Variants in DIP2C observed in about 807,000 individuals in gnomAD.
The protein encoded by DIP2C is DIP2 acetate--CoA ligase C (putative), also known as disco-interacting protein 2 homolog C.
Under a neutral mutation model 192.4 loss-of-function variants are expected in DIP2C, and 33 were observed. The ratio of observed to expected loss-of-function variants is 0.17; its 90% CI spans 0.13 to 0.23. The LOEUF (loss-of-function observed/expected upper bound fraction) is 0.23. Among genes scored for constraint, DIP2C ranks in the 10% least tolerant of loss-of-function variants. The pLI, the probability that DIP2C is intolerant of heterozygous loss-of-function variation, is 1.00. For synonymous variants in DIP2C, 979 were observed against 864.1 expected, an observed-to-expected ratio of 1.13 and a Z score of -2.33; for missense variants, 1,537 against 2,110.1, an observed-to-expected ratio of 0.73 and a Z score of 5.32.
intron 5 of DIP2C, among the ~76,000 whole-genome samples, chr10:421,645 C>T (rs1165605785): frequency 1.3e-5 from 2 of 152,232 alleles, no homozygotes; most frequent in African/African-American, 4.8e-5. Context: ...AAGTTTAATA[C>T]TGCTTTGCAT....
At chr10:328,883 G>C (rs1957382430) in intron 30 of DIP2C, among the ~76,000 whole-genome samples, 1 of 152,134 alleles carries the variant, frequency 6.6e-6, no homozygotes, top group Non-Finnish European at 1.5e-5. Context: ...TTACCATGAA[G>C]ATATACGTAT....
chr10:509,991 G>A (rs1037257016), intron 1 of DIP2C, among the ~76,000 whole-genome samples: 4 of 152,238 alleles, frequency 2.6e-5, no homozygotes, highest in African/African-American at 9.6e-5. Context: ...CTTCAGCCCA[G>A]GGCTCAGGAA....
chr10:571,314 T>A (rs960096539), intron 1 of DIP2C, among the ~76,000 whole-genome samples: 10 of 151,234 alleles, frequency 6.6e-5, no homozygotes, highest in African/African-American at 2.4e-4. Context: ...GCCAATCAGC[T>A]CCCCCCGGCC....
chr10:393,770 C>G (rs1016832695), intron 10 of DIP2C, among the ~76,000 whole-genome samples: 1 of 110,868 alleles, frequency 9.0e-6, no homozygotes, highest in African/African-American at 3.7e-5. Context: ...CAGAGCGAGA[C>G]TCCGTCTCAA....
intron 1 of DIP2C, among the ~76,000 whole-genome samples, chr10:559,089 A>T (rs1054594949): frequency 1.3e-5 from 2 of 152,246 alleles, no homozygotes; most frequent in Non-Finnish European, 2.9e-5. Context: ...TGAGTCACAC[A>T]AGCACATTAA....
intron 36 of DIP2C, among the ~76,000 whole-genome samples, chr10:277,971 CT>C (rs1277151829): frequency 2.0e-5 from 3 of 152,234 alleles, no homozygotes; most frequent in Non-Finnish European, 4.4e-5. Context: ...CAAGGCAGCC[CT>C]GTGCCTCCTG....
chr10:288,941 AATAC>A (rs1474530654), intron 32 of DIP2C, among the ~76,000 whole-genome samples: 1 of 152,236 alleles, frequency 6.6e-6, no homozygotes, highest in Non-Finnish European at 1.5e-5. Flanking sequence ...TACTTCAAAG[AATAC>A]ATAATGATAA....
intron 1 of DIP2C, among the ~76,000 whole-genome samples, chr10:576,527 A>G (rs945907628): frequency 2.6e-5 from 4 of 152,216 alleles, no homozygotes; most frequent in African/African-American, 9.6e-5. Flanking sequence ...TAGCATGTAC[A>G]TACACAACCA....
intron 1 of DIP2C, chr10:668,719 C>T (rs934217761): frequency 1.1e-4 from 16 of 152,188 alleles, no homozygotes; most frequent in African/African-American, 3.6e-4. Flanking sequence ...ACAGCACATG[C>T]ACAGTTTCTA....
At chr10:562,195 C>A (rs1425735787) in intron 1 of DIP2C, among the ~76,000 whole-genome samples, 2 of 152,224 alleles carry the variant, frequency 1.3e-5, no homozygotes, top group Admixed American at 6.5e-5. Flanking sequence ...GTTGGGCAGG[C>A]CGCATCTGAT....
At chr10:585,226 G>A (rs1328322677) in intron 1 of DIP2C, among the ~76,000 whole-genome samples, 1 of 152,198 alleles carries the variant, frequency 6.6e-6, no homozygotes, top group Non-Finnish European at 1.5e-5. Context: ...GACTTCGTCA[G>A]AGCAAGCGTT....
At chr10:601,264 A>G (rs1450957817) in intron 1 of DIP2C, among the ~76,000 whole-genome samples, 1 of 152,246 alleles carries the variant, frequency 6.6e-6, no homozygotes, top group African/African-American at 2.4e-5. Flanking sequence ...ATCTCTAGAT[A>G]ATCAGGCAAA....
Position 584,791 on chromosome 10 carries a change from CCT to C in DIP2C, c.86-98263_86-98262del, listed in dbSNP as rs368524036. ...ACCTGGCCCCCACTCACGCGTATCA[CCT>C]CTCAGATAATCTCGGGGCCCGCGAC... On this transcript the variant is annotated intron_variant, in intron 1 of 36. Coordinates refer to ENST00000280886, the MANE Select transcript of DIP2C (RefSeq NM_014974.3). 2.1e-4 allele frequency among the ~76,000 whole-genome samples: 27 copies of C among 126,702 alleles called. 1 individual carries two copies. Among genetic ancestry groups the C allele is most frequent in the African/African-American group, 6.9e-4 (22 of 31,950 alleles). The allele number at this position is 126,702 out of a possible 152,430, so 83.1% of individuals were successfully genotyped here. A position where few individuals can be genotyped will look rare whatever the true frequency, so the allele number is the denominator to read the frequency against.
intron 1 of DIP2C, among the ~76,000 whole-genome samples, chr10:555,820 G>A (rs906155567): frequency 3.3e-5 from 5 of 152,092 alleles, no homozygotes; most frequent in African/African-American, 1.2e-4. Context: ...GCCACACGGC[G>A]TCCAGTCTCC....
chr10:674,787 T>TAG (rs1222152605), intron 1 of DIP2C, among the ~76,000 whole-genome samples: 30 of 81,522 alleles, frequency 3.7e-4, no homozygotes, highest in African/African-American at 1.9e-3. Flanking sequence ...TATATATATA[T>TAG]ATAGAGAGAG....
chr10:387,311 CCACGTTA>C (rs1963039442), intron 14 of DIP2C, among the ~76,000 whole-genome samples: 1 of 152,250 alleles, frequency 6.6e-6, no homozygotes, highest in East Asian at 1.9e-4. Flanking sequence ...CAGTTGTGAA[CCACGTTA>C]GTGGACAACC....
chr10:338,578 G>C (rs1957985814), intron 29 of DIP2C, among the ~76,000 whole-genome samples: 1 of 152,184 alleles, frequency 6.6e-6, no homozygotes, highest in African/African-American at 2.4e-5. Context: ...GACTGGGTGT[G>C]TCAGGCTGTA....
chr10:412,919 T>G (rs1025758146), intron 8 of DIP2C, among the ~76,000 whole-genome samples: 1 of 152,204 alleles, frequency 6.6e-6, no homozygotes, highest in African/African-American at 2.4e-5. Context: ...AACATAAATC[T>G]CAGACATGCA....
In DIP2C at chr10:363,284, C is replaced by G; in HGVS notation, c.2505G>C (p.Leu835=). 6.2e-7 allele frequency: 1 copy of G among 1,612,412 alleles called. No homozygotes were observed. Among genetic ancestry groups the G allele is most frequent in the South Asian group, 1.1e-5 (1 of 91,052 alleles). Residue 835 remains leucine, a synonymous_variant, in exon 21 of 37, where the codon CTG becomes CTC. Transcript: ENST00000280886. The surrounding 1 kb of genome is among the most constrained non-coding windows in gnomAD (Gnocchi z 5.4). ...GRIAVFSVTV[L]HDERIVIVAE... ...CCACGATCACGATCCTCTCGTCGTG[C>G]AGCACGGTCACCGAGAACACGGCTA...
Sources: gnomAD v4.1 joint callset for allele counts (sites outside exome capture counted in the v4.1 genomes callset) on GRCh38, gnomAD v4.1.1 for gene constraint, Gnocchi (gnomAD v3.1) non-coding constraint, MANE v1.5 for transcripts, NCBI Gene and HGNC (gene_info 2026-07-23, HGNC 2026-07-21) for gene names.